The following GLRA3 variants were observed in gnomAD, a reference collection of about 807,000 sequenced individuals.
GLRA3 encodes the protein glycine receptor subunit alpha-3.
GLRA3 carries 44 observed loss-of-function variants against 60.4 expected under a neutral mutation model. That is an observed-to-expected ratio of 0.73 (90% CI 0.57 to 0.94). The LOEUF (loss-of-function observed/expected upper bound fraction) is 0.94. Among genes scored for constraint, GLRA3 ranks in the 40% least tolerant of loss-of-function variants. The pLI is 0.00. For synonymous variants in GLRA3, 223 were observed against 192.9 expected (o/e 1.16, Z -1.29); for missense variants, 508 against 564.6 (o/e 0.90, Z 1.02).
chr4:174,707,616 T>G (rs921937178), intron 5 of GLRA3, among the ~76,000 whole-genome samples: 1 of 152,216 alleles, frequency 6.6e-6, no homozygotes, highest in Non-Finnish European at 1.5e-5. Context: ...GAGGGAACTC[T>G]AAGTCTTTTC....
rs140655344 is a variant in GLRA3 at position 174,682,896 on chromosome 4, C to A, written c.618G>T (p.Glu206Asp). 6.2e-7 allele frequency: 1 copy of A among 1,612,886 alleles called. No individual in the cohort carries two copies. The highest frequency in any genetic ancestry group is 1.1e-5 in the South Asian group (1 of 91,052). ...GTCCTTCTGCCACTTGTACGGGTGC[C>A]TCATCTTGCCATTCAAAAATGAGAT... is the stretch of plus-strand genomic sequence containing the variant. ...MNDLIFEWQD[E>D]APVQVAEGLT... The change falls in exon 6 of 10, where the codon GAG becomes GAT. Residue 206 changes from glutamate (E) to aspartate (D), a missense_variant. Glu to Asp is a conservative substitution (Grantham distance 45). Around this residue, in one of 3 missense-constraint regions of GLRA3, gnomAD observed 329 missense variants for 349.3 expected, o/e 0.94. Coordinates refer to ENST00000274093, the MANE Select transcript of GLRA3 (RefSeq NM_006529.4).
chr4:174,683,209 T>C (rs1004277423), intron 5 of GLRA3, among the ~76,000 whole-genome samples: 3 of 152,224 alleles, frequency 2.0e-5, no homozygotes, highest in East Asian at 1.9e-4. Context: ...GGCATGCATA[T>C]ACATTCTTTC....
intron 1 of GLRA3, among the ~76,000 whole-genome samples, chr4:174,808,591 A>G (rs1467347985): frequency 6.6e-6 from 1 of 152,152 alleles, no homozygotes; most frequent in Non-Finnish European, 1.5e-5. Context: ...GCTGTAAAAT[A>G]TCCTCAGGCA....
At chr4:174,681,361 T>G (rs1172234508) in intron 6 of GLRA3, among the ~76,000 whole-genome samples, 3 of 152,062 alleles carry the variant, frequency 2.0e-5, no homozygotes, top group African/African-American at 4.8e-5. Context: ...ACCCAGAATG[T>G]GTGAATGTGA....
At chr4:174,662,690 C>G (rs1222859558) in intron 7 of GLRA3, among the ~76,000 whole-genome samples, 1 of 152,066 alleles carries the variant, frequency 6.6e-6, no homozygotes, top group Non-Finnish European at 1.5e-5. Context: ...AAGGAAAAAG[C>G]TCTTTCCTAT....
chr4:174,766,160 T>C (rs1738136193), intron 3 of GLRA3, among the ~76,000 whole-genome samples: 1 of 152,010 alleles, frequency 6.6e-6, no homozygotes, highest in East Asian at 1.9e-4. Context: ...AATCCTTAAG[T>C]ATTTTATATC....
At chr4:174,672,155 T>G (rs1361121674) in intron 7 of GLRA3, among the ~76,000 whole-genome samples, 2 of 152,164 alleles carry the variant, frequency 1.3e-5, no homozygotes, top group Admixed American at 1.3e-4. Context: ...GGACTCATTA[T>G]TTTTTAATGT....
chr4:174,688,434 A>G (rs1734642609), intron 5 of GLRA3, among the ~76,000 whole-genome samples: 2 of 146,872 alleles, frequency 1.4e-5, no homozygotes, highest in South Asian at 2.1e-4. Context: ...TTTGTCCCCT[A>G]GAATTTATTC....
At chr4:174,659,299 A>G (rs2110889341) in intron 7 of GLRA3, 102 bp from the exon 8 acceptor site, 2 of 789,410 alleles carry the variant, frequency 2.5e-6, no homozygotes, top group Non-Finnish European at 3.9e-6. Context: ...TCATTTATAC[A>G]TAAGTTTTAA....
At chr4:174,780,602 T>C (rs1441583791) in intron 2 of GLRA3, among the ~76,000 whole-genome samples, 4 of 148,968 alleles carry the variant, frequency 2.7e-5, no homozygotes, top group Admixed American at 6.7e-5. Flanking sequence ...AGGCTCAAAA[T>C]AAAAGGATGG....
intron 4 of GLRA3, among the ~76,000 whole-genome samples, chr4:174,727,406 T>C (rs1162141874): frequency 6.6e-6 from 1 of 152,200 alleles, no homozygotes; most frequent in Non-Finnish European, 1.5e-5. Context: ...GAATTAATTT[T>C]AAGCCTAAGA....
At chr4:174,690,978 T>C (rs1273592417) in intron 5 of GLRA3, among the ~76,000 whole-genome samples, 3 of 152,220 alleles carry the variant, frequency 2.0e-5, no homozygotes, top group Non-Finnish European at 4.4e-5. Flanking sequence ...GCTGTAAACA[T>C]TCGTGTGCAT....
At chr4:174,790,825 CAAAA>C (rs751090125) in intron 1 of GLRA3, among the ~76,000 whole-genome samples, 2 of 65,104 alleles carry the variant, frequency 3.1e-5, no homozygotes, top group South Asian at 7.0e-4. Flanking sequence ...CTAAAAAATA[CAAAA>C]AAAAAAAAAA....
In GLRA3 at chr4:174,687,004, G is replaced by T. The variant is rs549993948; in HGVS notation, c.575-4065C>A. Among the ~76,000 whole-genome samples the T allele has an allele frequency of 4.6e-5, 7 of 152,236 alleles. No homozygotes were observed. In the South Asian group the frequency reaches 1.4e-3, roughly 32 times the overall value. ...ATTACTCTACCAGGATCCTTTCATG[G>T]AATTCACAAGGTCAAAACTGCTTTC... On this transcript the variant is annotated intron_variant, in intron 5 of 9. Transcript: ENST00000274093.
intron 2 of GLRA3, among the ~76,000 whole-genome samples, chr4:174,774,188 A>G (rs1444042448): frequency 3.3e-5 from 5 of 152,212 alleles, no homozygotes; most frequent in African/African-American, 1.2e-4. Flanking sequence ...TATTGATTAA[A>G]TAAGTAATTA....
chr4:174,694,974 G>C (rs570167537), intron 5 of GLRA3, among the ~76,000 whole-genome samples: 4 of 152,096 alleles, frequency 2.6e-5, no homozygotes, highest in Non-Finnish European at 4.4e-5. Flanking sequence ...AGAAAACCTA[G>C]AAGGGGTGCT....
In GLRA3 at chr4:174,828,913, G is replaced by C. The variant is rs1291035895; in HGVS notation, c.-102C>G. ...TACAATCTAACCCCGCATGGTGTTGGTGTAGACTGATGCTTGGGAAGCTTC... is the reference window on the plus strand; with the variant it reads ...TACAATCTAACCCCGCATGGTGTTGCTGTAGACTGATGCTTGGGAAGCTTC... On this transcript the variant is annotated 5_prime_UTR_variant, in exon 1 of 10. Transcript: ENST00000274093. The C allele has an allele frequency of 2.4e-6, 2 of 828,336 alleles. No homozygotes were observed. Among genetic ancestry groups the C allele is most frequent in the East Asian group, 2.5e-5 (1 of 40,670 alleles). The allele number at this position is 828,336 out of a possible 1,614,324, so 51.3% of individuals were successfully genotyped here.
chr4:174,740,301 T>C (rs901990578), intron 3 of GLRA3, among the ~76,000 whole-genome samples: 1 of 152,174 alleles, frequency 6.6e-6, no homozygotes, highest in African/African-American at 2.4e-5. Flanking sequence ...ACCCTGTCTC[T>C]TGAAGCGCTC....
At chr4:174,809,289 G>A (rs187881948) in intron 1 of GLRA3, among the ~76,000 whole-genome samples, 1 of 152,264 alleles carries the variant, frequency 6.6e-6, no homozygotes, top group East Asian at 1.9e-4. Flanking sequence ...TTGGTGTGCA[G>A]TAGGCTATTC....
Sources: allele counts gnomAD v4.1 joint callset (sites outside exome capture counted in the v4.1 genomes callset), GRCh38; gene constraint gnomAD v4.1.1; regional missense constraint gnomAD v4.1.1; transcripts MANE v1.5; gene names NCBI Gene and HGNC (gene_info 2026-07-23, HGNC 2026-07-21).